GRM7: variants seen among roughly 807,000 people sequenced by gnomAD.
GRM7 encodes glutamate metabotropic receptor 7.
In GRM7, 35 loss-of-function variants were observed where a neutral mutation model predicts 84.5. The observed-to-expected ratio is 0.41, with a 90% confidence interval of 0.32 to 0.55. GRM7 has a LOEUF of 0.55. Ranked by LOEUF, GRM7 falls within the 20% of genes least tolerant of loss-of-function variation. GRM7 has a pLI of 0.19. For missense variants in GRM7, 1,003 were observed against 1,194.6 expected, an observed-to-expected ratio of 0.84 and a Z score of 2.36; for synonymous variants, 487 against 455.1, an observed-to-expected ratio of 1.07 and a Z score of -0.89.
chr3:7,361,844 T>C (rs986829771), intron 4 of GRM7, among the ~76,000 whole-genome samples: 6 of 152,102 alleles, frequency 3.9e-5, no homozygotes, highest in South Asian at 2.1e-4. Flanking sequence ...AATCCTTTTA[T>C]TTAAGGAAGG....
At chr3:7,403,831 GGATAGATA>G (rs537042589) in intron 4 of GRM7, among the ~76,000 whole-genome samples, 2 of 150,790 alleles carry the variant, frequency 1.3e-5, no homozygotes, top group Admixed American at 6.6e-5. Context: ...GTGGATGGAT[GGATAGATA>G]GATAGATAGA....
intron 2 of GRM7, among the ~76,000 whole-genome samples, chr3:7,170,358 T>C (rs959882802): frequency 1.2e-4 from 18 of 152,162 alleles, no homozygotes; most frequent in African/African-American, 4.1e-4. Context: ...CCACCAAGAC[T>C]TGAGTAAGGC....
At chr3:7,680,498 C>G (rs865963044) in intron 9 of GRM7, 1 of 570,988 alleles carries the variant, frequency 1.8e-6, no homozygotes, top group Non-Finnish European at 3.1e-6. Flanking sequence ...TGGAAAGAAG[C>G]TTTTGGAGGC....
chr3:7,282,404 C>CGCCTA (rs1559550951), intron 2 of GRM7, among the ~76,000 whole-genome samples: 1 of 152,152 alleles, frequency 6.6e-6, no homozygotes. Context: ...TCATGGCTCT[C>CGCCTA]GCCTATCCAC....
intron 2 of GRM7, among the ~76,000 whole-genome samples, chr3:7,182,334 T>C (rs2125098159): frequency 6.6e-6 from 1 of 152,302 alleles, no homozygotes; most frequent in East Asian, 1.9e-4. Flanking sequence ...TATCAGCTGC[T>C]CTGTAATTAG....
intron 7 of GRM7, among the ~76,000 whole-genome samples, chr3:7,488,489 G>T (rs560554136): frequency 1.3e-5 from 2 of 152,298 alleles, no homozygotes; most frequent in East Asian, 3.9e-4. Flanking sequence ...ACAGGAGTGA[G>T]TGAGTCCTCA....
intron 4 of GRM7, among the ~76,000 whole-genome samples, chr3:7,330,494 T>C (rs781190162): frequency 6.6e-6 from 1 of 152,176 alleles, no homozygotes; most frequent in Non-Finnish European, 1.5e-5. Flanking sequence ...TTATCTTGAA[T>C]TGTAGATCCT....
At chr3:7,666,666 T>C (rs1559474798) in intron 8 of GRM7, among the ~76,000 whole-genome samples, 1 of 152,188 alleles carries the variant, frequency 6.6e-6, no homozygotes, top group Non-Finnish European at 1.5e-5. Flanking sequence ...TGTTATTAAC[T>C]GGTTAAACAT....
chr3:7,303,229 C>A lies in GRM7; in HGVS notation c.879-3269C>A, dbSNP rs186763558. Among the ~76,000 whole-genome samples, 3 of 152,040 alleles carry A rather than the reference C, an allele frequency of 2.0e-5. No individual in the cohort carries two copies. The South Asian group carries it at 6.2e-4, about 32-fold the overall frequency. On this transcript the variant is annotated intron_variant, in intron 3 of 9. Coordinates refer to ENST00000357716, the MANE Select transcript of GRM7 (RefSeq NM_000844.4). ...TACTGGGATTACAGGCGTGAGCCAC[C>A]GTGCCCAGCTGATTATTCTATTTTT...
chr3:7,604,075 C>T (rs1468488483), intron 8 of GRM7, among the ~76,000 whole-genome samples: 2 of 149,552 alleles, frequency 1.3e-5, no homozygotes, highest in African/African-American at 4.9e-5. Context: ...GTTACAGAGT[C>T]ATAAAATTGT....
rs192989511 is a variant in GRM7 at position 7,516,262 on chromosome 3, G to A, written c.1515+54540G>A. On this transcript the variant is annotated intron_variant, in intron 7 of 9. Coordinates refer to ENST00000357716, the MANE Select transcript of GRM7 (RefSeq NM_000844.4). ...CGAAGCCGAGGCGGGCAGATCATAA[G>A]GTCAGTACATCAAGACCATCCTGGC... Among the ~76,000 whole-genome samples, 432 of 150,228 alleles carry A rather than the reference G, an allele frequency of 2.9e-3. 3 individuals are homozygous for A. Among genetic ancestry groups the A allele is most frequent in the African/African-American group, 9.7e-3 (397 of 41,064 alleles).
At chr3:7,154,707 A>C (rs1325016805) in intron 2 of GRM7, among the ~76,000 whole-genome samples, 1 of 152,114 alleles carries the variant, frequency 6.6e-6, no homozygotes, top group Non-Finnish European at 1.5e-5. Context: ...TTCTTGGTTA[A>C]TTGGCTGAGG....
chr3:7,636,423 T>G, intron 8 of GRM7: 1 of 393,048 alleles, frequency 2.5e-6, no homozygotes, highest in South Asian at 1.9e-5. Context: ...TGAGTACATG[T>G]TCACTCTAAA....
At chr3:7,664,696 TA>T (rs1699610606) in intron 8 of GRM7, among the ~76,000 whole-genome samples, 1 of 152,192 alleles carries the variant, frequency 6.6e-6, no homozygotes, top group African/African-American at 2.4e-5. Flanking sequence ...ATCTTATATG[TA>T]AGCTAAATAG....
chr3:7,117,759 G>A lies in GRM7; in HGVS notation c.520-28693G>A, dbSNP rs138244707. ...AAATCCTTAGTCAATCGAGGCCTCC[G>A]TGTCATCATTGTAAGATGTGGCAGT... On this transcript the variant is annotated intron_variant, in intron 1 of 9. Coordinates refer to ENST00000357716, the MANE Select transcript of GRM7 (RefSeq NM_000844.4). Among the ~76,000 whole-genome samples, 1,161 of 152,280 alleles carry A rather than the reference G, an allele frequency of 7.6e-3. 17 individuals are homozygous for A. Among genetic ancestry groups the A allele is most frequent in the African/African-American group, 0.026 (1,092 of 41,552 alleles).
intron 1 of GRM7, among the ~76,000 whole-genome samples, chr3:7,083,147 C>G (rs984634298): frequency 1.3e-5 from 2 of 152,094 alleles, no homozygotes; most frequent in African/African-American, 4.8e-5. Flanking sequence ...ACAGAGAAAT[C>G]TTTTGTGAAA....
At chr3:7,328,620 T>C (rs974593777) in intron 4 of GRM7, among the ~76,000 whole-genome samples, 1 of 152,214 alleles carries the variant, frequency 6.6e-6, no homozygotes, top group Admixed American at 6.5e-5. Context: ...ATCTGGTAAC[T>C]GTTGAGCCTC....
intron 9 of GRM7, among the ~76,000 whole-genome samples, chr3:7,709,010 C>T (rs116639968): frequency 6.3e-4 from 96 of 151,984 alleles, no homozygotes; most frequent in Middle Eastern, 3.5e-3. Flanking sequence ...TGCTTTTACC[C>T]GATACATTGT....
intron 1 of GRM7, among the ~76,000 whole-genome samples, chr3:6,883,479 T>G (rs1352668285): frequency 1.3e-5 from 2 of 152,196 alleles, no homozygotes; most frequent in Non-Finnish European, 2.9e-5. Flanking sequence ...ATATAACTCC[T>G]TATTTTATAT....
Sources: gnomAD v4.1 joint callset for allele counts (sites outside exome capture counted in the v4.1 genomes callset) on GRCh38, gnomAD v4.1.1 for gene constraint, MANE v1.5 for transcripts, NCBI Gene and HGNC (gene_info 2026-07-23, HGNC 2026-07-21) for gene names.